The following EMG1 variants were observed in gnomAD, a reference collection of about 807,000 sequenced individuals.
The protein encoded by EMG1 is ribosomal RNA small subunit methyltransferase NEP1.
In EMG1, 24 loss-of-function variants were observed where a neutral mutation model predicts 26.9. The ratio of observed to expected loss-of-function variants is 0.89; its 90% CI spans 0.65 to 1.26. The LOEUF (loss-of-function observed/expected upper bound fraction) is 1.26. Ranked by LOEUF, EMG1 falls within the 50% of genes most tolerant of loss-of-function variation. The pLI, the probability that EMG1 is intolerant of heterozygous loss-of-function variation, is 0.00. For missense variants in EMG1, 299 were observed against 307.6 expected, an observed-to-expected ratio of 0.97 and a Z score of 0.21; for synonymous variants, 140 against 112.6, an observed-to-expected ratio of 1.24 and a Z score of -1.54.
chr12:6,982,873 T>C (rs1291168897), downstream of EMG1: 25 of 789,720 alleles, frequency 3.2e-5, no homozygotes, highest in South Asian at 3.7e-4. Context: ...AGAAAAAATG[T>C]TGGCATCAGG....
downstream of EMG1, chr12:6,983,659 C>T (rs140216337): frequency 6.2e-5 from 41 of 663,490 alleles, no homozygotes; most frequent in African/African-American, 4.4e-4. Context: ...AAACAACATA[C>T]ATTATATGGA....
downstream of EMG1, among the ~76,000 whole-genome samples, chr12:6,989,008 C>T (rs1555155126): frequency 6.6e-6 from 1 of 151,958 alleles, no homozygotes; most frequent in Non-Finnish European, 1.5e-5. Flanking sequence ...TGCCTGTAAT[C>T]CCAGCTACTC....
At chr12:6,980,840 A>G, downstream of EMG1, 1 of 538,012 alleles carries the variant, frequency 1.9e-6, no homozygotes, top group Non-Finnish European at 3.2e-6. Context: ...ACCCTAAACT[A>G]AAAAGGGCCC....
chr12:6,970,980 A>C lies in EMG1; in HGVS notation c.57A>C (p.Ala19=). 6.2e-7 allele frequency: 1 copy of C among 1,612,922 alleles called. No homozygotes were observed. Among genetic ancestry groups the C allele is most frequent in the South Asian group, 1.1e-5 (1 of 90,810 alleles). The change falls in exon 1 of 6, where the codon GCA becomes GCC. Residue 19 remains alanine, a synonymous_variant. Coordinates refer to ENST00000599672, the MANE Select transcript of EMG1 (RefSeq NM_006331.8). ...KPRERSGGEQ[A]QDWDALPPKR... is the part of the protein sequence containing the mutation. ...GTGAACGAAGCGGTGGGGAGCAGGCACAGGACTGGGATGCTCTGCCACCCA... is the reference window on the plus strand; with the variant it reads ...GTGAACGAAGCGGTGGGGAGCAGGCCCAGGACTGGGATGCTCTGCCACCCA...
chr12:6,974,395 GA>G lies in EMG1; in HGVS notation c.227del (p.Asn76MetfsTer18). 1.2e-6 allele frequency: 2 copies of G among 1,613,872 alleles called. No homozygotes were observed. Among genetic ancestry groups the G allele is most frequent in the Non-Finnish European group, 1.7e-6 (2 of 1,179,800 alleles). On this transcript the variant is annotated frameshift_variant, in exon 2 of 6. Transcript: ENST00000599672. LOFTEE classifies it high-confidence loss of function. ...ACAAGCACAAGTCTATATTGTTGAAGAATGGACGGGACCCTGGGGAAGCGCG... is the reference window on the plus strand; with the variant it reads ...ACAAGCACAAGTCTATATTGTTGAAGATGGACGGGACCCTGGGGAAGCGCG... Reference protein sequence around the residue: ...CDKHKSILLKNGRDPGEARPD... With the variant: ...CDKHKSILLKXGRDPGEARPD...
chr12:6,973,100 A>C (rs1044913501), intron 1 of EMG1, among the ~76,000 whole-genome samples: 2 of 150,972 alleles, frequency 1.3e-5, no homozygotes, highest in Non-Finnish European at 1.5e-5. Context: ...TCGGCCTCCT[A>C]AAGTGTTGGG....
downstream of EMG1, among the ~76,000 whole-genome samples, chr12:6,989,533 C>CAG: frequency 6.6e-6 from 1 of 151,978 alleles, no homozygotes; most frequent in East Asian, 1.9e-4. Flanking sequence ...CTCCTGACCT[C>CAG]GTGATCCGCC....
At chr12:6,980,724 T>G, downstream of EMG1, 1 of 247,496 alleles carries the variant, frequency 4.0e-6, no homozygotes, top group Non-Finnish European at 7.6e-6. Flanking sequence ...CATATATACA[T>G]GAAAATAGGC....
rs781890054 is a variant in EMG1, at chr12:6,978,671, G to A, written c.*2862G>A. On this transcript the variant is annotated 3_prime_UTR_variant, in exon 6 of 6. Transcript: ENST00000599672. ...CCCCAGATCAGCATGTACATGCAGC[G>A]GAACCAGAAGGGGTGGTTCTTGAGG... 8.7e-6 allele frequency: 14 copies of A among 1,614,010 alleles called. No homozygotes were observed. Among genetic ancestry groups the A allele is most frequent in the Non-Finnish European group, 1.1e-5 (13 of 1,180,002 alleles).
chr12:6,986,418 C>T (rs901052959), intron 6 of EMG1, among the ~76,000 whole-genome samples: 1 of 152,018 alleles, frequency 6.6e-6, no homozygotes. Flanking sequence ...AAATGACATA[C>T]AAAATATATG....
chr12:6,971,188 G>C, intron 1 of EMG1, 97 bp downstream of exon 1: 2 of 1,041,802 alleles, frequency 1.9e-6, no homozygotes, highest in East Asian at 2.6e-5. Flanking sequence ...AAAGCAGAGA[G>C]GGGTGAAAGA....
In EMG1 at chr12:6,975,737, CTA is replaced by C; in HGVS notation, c.664_665del (p.Tyr222ProfsTer16). On this transcript the variant is annotated frameshift_variant, in exon 6 of 6. Transcript: ENST00000599672. LOFTEE classifies it high-confidence loss of function. ...YTEKMVSISN[Y>X]PLSAALTCAK... is the part of the protein sequence containing the mutation. ...CAGAGAAGATGGTGTCCATCAGTAA[CTA>C]CCCCCTTTCTGCTGCCCTCACCTGT... is the stretch of plus-strand genomic sequence containing the variant. 6.2e-7 allele frequency: 1 copy of C among 1,613,638 alleles called. No homozygotes were observed. Among genetic ancestry groups the C allele is most frequent in the Non-Finnish European group, 8.5e-7 (1 of 1,179,526 alleles).
At position 6,974,437 on chromosome 12, in the gene EMG1, C is replaced by G; in HGVS notation, c.267C>G (p.His89Gln). 3 of 1,613,112 alleles carry G rather than the reference C, an allele frequency of 1.9e-6. No homozygotes were observed. Among genetic ancestry groups the G allele is most frequent in the Non-Finnish European group, 2.5e-6 (3 of 1,179,186 alleles). ...DPGEARPDITHQSLLMLMDSP... is the reference protein window; with the variant it reads ...DPGEARPDITQQSLLMLMDSP... ...GGGAAGCGCGGCCAGATATCACCCA[C>G]CAGGTAACTCCAGGGACAGTGCTCA... The change falls in exon 2 of 6, where the codon CAC becomes CAG. Residue 89 changes from histidine to glutamine, a missense_variant. Coordinates refer to ENST00000599672, the MANE Select transcript of EMG1 (RefSeq NM_006331.8).
rs781835863 is a variant in EMG1, at chr12:6,995,473, CA to C, written c.*212-1737del. ...TGGGCAACAGAGCCAGACTCCGTCT[CA>C]AAAAAAAAAAAAAAGTGTTTTCCTT... On this transcript the variant is annotated intron_variant and NMD_transcript_variant, in intron 7 of 7. Transcript: ENST00000607161. Among the ~76,000 whole-genome samples the C allele has an allele frequency of 9.1e-3, 1,155 of 126,394 alleles. 5 individuals are homozygous for C. The highest frequency in any genetic ancestry group is 0.023 in the African/African-American group (782 of 34,514). 82.9% of individuals were successfully genotyped at this position (126,394 alleles called of 152,430 possible).
chr12:6,992,270 C>T (rs782427680), downstream of EMG1, among the ~76,000 whole-genome samples: 4 of 151,614 alleles, frequency 2.6e-5, no homozygotes, highest in African/African-American at 7.3e-5. Flanking sequence ...GAAGTTGAGG[C>T]GGCAGTGAGC....
intron 1 of EMG1, among the ~76,000 whole-genome samples, chr12:6,972,168 T>C (rs1445044861): frequency 1.3e-5 from 2 of 150,552 alleles, no homozygotes; most frequent in Admixed American, 1.3e-4. Flanking sequence ...CCGGGTTCAA[T>C]CGATTCTCCT....
Position 6,978,080 on chromosome 12 carries a change from T to C in EMG1, c.*2271T>C. ...GTAAAGCTGTTGATAAACAGGGCAG[T>C]GGAGGACATAAGTCCATTGGCAGAG... On this transcript the variant is annotated 3_prime_UTR_variant, in exon 6 of 6. Coordinates refer to ENST00000599672, the MANE Select transcript of EMG1 (RefSeq NM_006331.8). 1 of 563,988 alleles carries C rather than the reference T, an allele frequency of 1.8e-6. No individual in the cohort carries two copies. Among genetic ancestry groups the C allele is most frequent in the East Asian group, 3.0e-5 (1 of 33,080 alleles). 34.9% of individuals were successfully genotyped at this position (563,988 alleles called of 1,614,324 possible).
At chr12:6,994,720 GT>G (rs1286472127) in intron 7 of EMG1, among the ~76,000 whole-genome samples, 2 of 152,240 alleles carry the variant, frequency 1.3e-5, no homozygotes, top group Non-Finnish European at 1.5e-5. Flanking sequence ...CTCCCAAAGT[GT>G]TGGGATTACA....
At chr12:6,980,537 G>A (rs1946459367), downstream of EMG1, among the ~76,000 whole-genome samples, 1 of 151,376 alleles carries the variant, frequency 6.6e-6, no homozygotes, top group Non-Finnish European at 1.5e-5. Flanking sequence ...GTATTTTTTT[G>A]TAGAGACAGA....
Sources: allele counts gnomAD v4.1 joint callset (sites outside exome capture counted in the v4.1 genomes callset), GRCh38; gene constraint gnomAD v4.1.1; transcripts MANE v1.5; gene names NCBI Gene and HGNC (gene_info 2026-07-23, HGNC 2026-07-21).